Variants in GRM7 observed in about 807,000 individuals in gnomAD.
GRM7 encodes glutamate metabotropic receptor 7.
GRM7 carries 35 observed loss-of-function variants against 84.5 expected under a neutral mutation model. That is an observed-to-expected ratio of 0.41 (90% CI 0.32 to 0.55). The LOEUF (loss-of-function observed/expected upper bound fraction) is 0.55, where lower values mean the gene tolerates loss of function less well. Ranked by LOEUF, GRM7 falls within the 20% of genes least tolerant of loss-of-function variation. The pLI is 0.19. For synonymous variants in GRM7, 487 were observed against 455.1 expected (o/e 1.07, Z -0.89); for missense variants, 1,003 against 1,194.6 (o/e 0.84, Z 2.36).
chr3:6,910,698 C>T (rs966749983), intron 1 of GRM7, among the ~76,000 whole-genome samples: 4 of 151,988 alleles, frequency 2.6e-5, no homozygotes, highest in Non-Finnish European at 5.9e-5. Context: ...ATGTTCTGGG[C>T]AACATAGCAA....
At chr3:6,998,415 A>T (rs1694901395) in intron 1 of GRM7, among the ~76,000 whole-genome samples, 1 of 152,036 alleles carries the variant, frequency 6.6e-6, no homozygotes. Flanking sequence ...GCTGGTGTTG[A>T]GTGTCTGTGA....
chr3:7,691,194 C>G, intron 9 of GRM7: 3 of 904,138 alleles, frequency 3.3e-6, no homozygotes, highest in Non-Finnish European at 3.1e-6. Flanking sequence ...CTTTATATCT[C>G]TGCCCTTTTT....
intron 2 of GRM7, among the ~76,000 whole-genome samples, chr3:7,240,144 T>TTTTTTTG (rs1553635876): frequency 6.8e-6 from 1 of 146,614 alleles, no homozygotes; most frequent in Non-Finnish European, 1.5e-5. Context: ...TTTTTTTTTT[T>TTTTTTTG]CCAGTGGCTT....
chr3:7,001,704 A>G (rs929803827), intron 1 of GRM7, among the ~76,000 whole-genome samples: 1 of 152,238 alleles, frequency 6.6e-6, no homozygotes, highest in Non-Finnish European at 1.5e-5. Flanking sequence ...TTATTTTTGA[A>G]CAGAACGTGC....
chr3:7,073,637 T>G (rs935317265), intron 1 of GRM7, among the ~76,000 whole-genome samples: 1 of 152,184 alleles, frequency 6.6e-6, no homozygotes, highest in Non-Finnish European at 1.5e-5. Context: ...AAACACCTGT[T>G]GCTGTCGATG....
intron 4 of GRM7, among the ~76,000 whole-genome samples, chr3:7,359,111 CA>C (rs35815945): frequency 0.016 from 1,312 of 83,040 alleles, 79 homozygotes; most frequent in African/African-American, 0.055. Context: ...GATTCCATCT[CA>C]AAAAAAAAAA....
At chr3:7,304,772 A>T (rs542384700) in intron 3 of GRM7, among the ~76,000 whole-genome samples, 1 of 152,072 alleles carries the variant, frequency 6.6e-6, no homozygotes, top group Admixed American at 6.6e-5. Context: ...TTCTTGATTA[A>T]AGATATGATC....
At chr3:7,066,437 A>G (rs572598050) in intron 1 of GRM7, among the ~76,000 whole-genome samples, 3 of 152,042 alleles carry the variant, frequency 2.0e-5, no homozygotes, top group African/African-American at 7.2e-5. Flanking sequence ...AGATGGATGA[A>G]TTCCTGGAAA....
chr3:7,352,061 A>ACACACACACACACAC (rs1559258836), intron 4 of GRM7, among the ~76,000 whole-genome samples: 1 of 76,354 alleles, frequency 1.3e-5, no homozygotes, highest in Non-Finnish European at 3.3e-5. Flanking sequence ...CACACACCAC[A>ACACACACACACACAC]CACACACACA....
chr3:7,486,034 T>TCCAG lies in GRM7; in HGVS notation c.1515+24312_1515+24313insCCAG, dbSNP rs1699307901. On this transcript the variant is annotated intron_variant, in intron 7 of 9. Coordinates refer to ENST00000357716, the MANE Select transcript of GRM7 (RefSeq NM_000844.4). This position sits in a 1 kb window ranked among gnomAD's most constrained non-coding sequence, Gnocchi z 5.5. The stretch of plus-strand genomic sequence containing the variant: ...CAAATACAGTAAATGTGTATTTATT[T>TCCAG]ACATACCACATCTTATAGAAGTTGA... Among the ~76,000 whole-genome samples the TCCAG allele has an allele frequency of 4.6e-5, 7 of 152,316 alleles. No homozygotes were observed. The highest frequency in any genetic ancestry group is 1.4e-4 in the African/African-American group (6 of 41,570).
chr3:7,251,896 C>A (rs552320150), intron 2 of GRM7, among the ~76,000 whole-genome samples: 92 of 152,176 alleles, frequency 6.0e-4, no homozygotes, highest in African/African-American at 1.8e-3. Context: ...ATTACTATTC[C>A]ATTTTTGTTG....
intron 7 of GRM7, among the ~76,000 whole-genome samples, chr3:7,547,679 C>T (rs1357210137): frequency 6.6e-6 from 1 of 152,082 alleles, no homozygotes; most frequent in Non-Finnish European, 1.5e-5. Context: ...CCAGATAATT[C>T]CAGTATGTAG....
chr3:7,615,230 C>G (rs1437362983), intron 8 of GRM7, among the ~76,000 whole-genome samples: 1 of 152,028 alleles, frequency 6.6e-6, no homozygotes, highest in Non-Finnish European at 1.5e-5. Flanking sequence ...CTTTTTAAAT[C>G]TGTGTGTCAC....
intron 1 of GRM7, among the ~76,000 whole-genome samples, chr3:6,988,258 C>T (rs1206201475): frequency 2.0e-5 from 3 of 149,674 alleles, no homozygotes; most frequent in Non-Finnish European, 4.4e-5. Flanking sequence ...ATCTGCCTGC[C>T]TCGGCCTCCC....
chr3:6,938,657 T>C (rs574111038), intron 1 of GRM7, among the ~76,000 whole-genome samples: 2 of 152,286 alleles, frequency 1.3e-5, no homozygotes, highest in Middle Eastern at 3.4e-3. Context: ...GAGAGGGACG[T>C]GTTAGCAGGG....
intron 4 of GRM7, among the ~76,000 whole-genome samples, chr3:7,355,021 G>A (rs1350806189): frequency 6.6e-6 from 1 of 152,110 alleles, no homozygotes; most frequent in East Asian, 1.9e-4. Flanking sequence ...CATGCTGACT[G>A]GACCTAGTGA....
chr3:7,514,028 A>T (rs1188138921), intron 7 of GRM7, among the ~76,000 whole-genome samples: 3 of 152,114 alleles, frequency 2.0e-5, no homozygotes, highest in Non-Finnish European at 4.4e-5. Context: ...GACTTAATCT[A>T]TTTCCTTAGC....
chr3:7,682,420 G>A (rs114725080), intron 9 of GRM7: 3 of 150,562 alleles, frequency 2.0e-5, no homozygotes, highest in African/African-American at 7.3e-5. Context: ...ACCTATACCT[G>A]TATTGATAAA....
At chr3:7,696,024 G>T (rs1314149466) in intron 9 of GRM7, among the ~76,000 whole-genome samples, 1 of 152,154 alleles carries the variant, frequency 6.6e-6, no homozygotes, top group Non-Finnish European at 1.5e-5. Flanking sequence ...GGACCACAAA[G>T]TTAGAGAAGA....
Sources: gnomAD v4.1 joint callset for allele counts (sites outside exome capture counted in the v4.1 genomes callset) on GRCh38, gnomAD v4.1.1 for gene constraint, Gnocchi (gnomAD v3.1) non-coding constraint, MANE v1.5 for transcripts, NCBI Gene and HGNC (gene_info 2026-07-23, HGNC 2026-07-21) for gene names.